Variants in TIMP3 observed in about 807,000 individuals in gnomAD.
The protein encoded by TIMP3 is metalloproteinase inhibitor 3.
Under a neutral mutation model 30.0 loss-of-function variants are expected in TIMP3, and 11 were observed. The ratio of observed to expected loss-of-function variants is 0.37; its 90% CI spans 0.23 to 0.61. TIMP3 has a LOEUF of 0.61. Ranked by LOEUF, TIMP3 falls within the 20% of genes least tolerant of loss-of-function variation. TIMP3 has a pLI of 0.70. For synonymous variants in TIMP3, 112 were observed against 111.3 expected, an observed-to-expected ratio of 1.01 and a Z score of -0.04; for missense variants, 181 against 276.8, an observed-to-expected ratio of 0.65 and a Z score of 2.45.
chr22:32,813,957 T>C (rs1044731591), intron 1 of TIMP3, among the ~76,000 whole-genome samples: 5 of 152,162 alleles, frequency 3.3e-5, no homozygotes, highest in Admixed American at 1.3e-4. Context: ...CATCATATTA[T>C]TACTACATGG....
intron 1 of TIMP3, among the ~76,000 whole-genome samples, chr22:32,812,964 G>A (rs1343199093): frequency 6.6e-6 from 1 of 152,204 alleles, no homozygotes; most frequent in Non-Finnish European, 1.5e-5. Flanking sequence ...CTGAACAAAT[G>A]AGTGCAGTGG....
rs114723366 is a variant in TIMP3 at position 32,826,878 on chromosome 22, G to A, written c.122-22574G>A. On this transcript the variant is annotated intron_variant, in intron 1 of 4. Transcript: ENST00000266085. ...CCACTTGATCCCTGTGACAACCCTA[G>A]GAGCCTGCTGCCACTGATCTTCTTA... Among the ~76,000 whole-genome samples, 1,496 of 152,260 alleles carry A rather than the reference G, an allele frequency of 9.8e-3. 30 individuals carry two copies. The highest frequency in any genetic ancestry group is 0.034 in the African/African-American group (1,416 of 41,542).
At chr22:32,830,719 A>G (rs1207871410) in intron 1 of TIMP3, among the ~76,000 whole-genome samples, 1 of 151,854 alleles carries the variant, frequency 6.6e-6, no homozygotes, top group Non-Finnish European at 1.5e-5. Context: ...GGAATCCCAC[A>G]GTTGTTTCCT....
chr22:32,841,228 C>G (rs1054619463), intron 1 of TIMP3, among the ~76,000 whole-genome samples: 6 of 152,212 alleles, frequency 3.9e-5, no homozygotes, highest in African/African-American at 1.4e-4. Flanking sequence ...GAACCTGCTG[C>G]CCGGGGAGGC....
At chr22:32,806,528 G>T (rs2046742372) in intron 1 of TIMP3, among the ~76,000 whole-genome samples, 1 of 152,224 alleles carries the variant, frequency 6.6e-6, no homozygotes, top group Non-Finnish European at 1.5e-5. Context: ...AGGCAGGGTG[G>T]AGTGGTGGAA....
intron 2 of TIMP3, among the ~76,000 whole-genome samples, chr22:32,856,438 A>G (rs888125771): frequency 3.9e-5 from 6 of 152,124 alleles, no homozygotes; most frequent in African/African-American, 1.4e-4. Context: ...GTGACCGGCC[A>G]CTGGACAGCT....
At chr22:32,835,320 AAGAT>A (rs1191630747) in intron 1 of TIMP3, among the ~76,000 whole-genome samples, 1 of 152,236 alleles carries the variant, frequency 6.6e-6, no homozygotes, top group Non-Finnish European at 1.5e-5. Context: ...TGAGCAAAGC[AAGAT>A]GTAATTCCGG....
chr22:32,835,570 G>C (rs978002303), intron 1 of TIMP3, among the ~76,000 whole-genome samples: 5 of 152,112 alleles, frequency 3.3e-5, no homozygotes, highest in Admixed American at 6.5e-5. Flanking sequence ...GCAGAAGAGG[G>C]TCTCATGCAG....
At chr22:32,818,166 G>A (rs2047138414) in intron 1 of TIMP3, among the ~76,000 whole-genome samples, 1 of 152,210 alleles carries the variant, frequency 6.6e-6, no homozygotes, top group Admixed American at 6.5e-5. Flanking sequence ...TAATGGCACT[G>A]CCAGTTCAGT....
intron 1 of TIMP3, among the ~76,000 whole-genome samples, chr22:32,806,985 C>T (rs2046758988): frequency 6.6e-6 from 1 of 151,802 alleles, no homozygotes; most frequent in South Asian, 2.1e-4. Flanking sequence ...CCACATAATA[C>T]CACATATAGT....
intron 1 of TIMP3, among the ~76,000 whole-genome samples, chr22:32,823,027 C>A (rs1337747201): frequency 2.0e-5 from 3 of 152,124 alleles, no homozygotes; most frequent in Non-Finnish European, 1.5e-5. Flanking sequence ...TTACTCTGCG[C>A]TGTGGGATTT....
chr22:32,812,880 G>T (rs1396581938), intron 1 of TIMP3, among the ~76,000 whole-genome samples: 1 of 152,216 alleles, frequency 6.6e-6, no homozygotes, highest in Non-Finnish European at 1.5e-5. Flanking sequence ...AAGTTTGGAA[G>T]GTCAAACTTC....
At chr22:32,844,689 CTCTTCCTTGTTTCTTCT>C (rs2048011384) in intron 1 of TIMP3, among the ~76,000 whole-genome samples, 1 of 151,728 alleles carries the variant, frequency 6.6e-6, no homozygotes, top group South Asian at 2.1e-4. Flanking sequence ...CTTAATCAAT[CTCTTCCTTGTTTCTTCT>C]TCTTCCTTTT....
intron 2 of TIMP3, among the ~76,000 whole-genome samples, chr22:32,850,671 C>T (rs2048192833): frequency 6.6e-6 from 1 of 152,124 alleles, no homozygotes; most frequent in Non-Finnish European, 1.5e-5. Flanking sequence ...GTGCTGAGGT[C>T]CACAGGAACT....
chr22:32,802,206 C>A, intron 1 of TIMP3, 84 bp downstream of exon 1: 1 of 1,508,896 alleles, frequency 6.6e-7, no homozygotes, highest in South Asian at 1.2e-5. Flanking sequence ...GAGCCCCACT[C>A]CTTTCCTCTG....
At chr22:32,818,055 T>C (rs1018992043) in intron 1 of TIMP3, among the ~76,000 whole-genome samples, 1 of 152,218 alleles carries the variant, frequency 6.6e-6, no homozygotes, top group East Asian at 1.9e-4. Context: ...ATTAGAACAC[T>C]TGCCCTAGAG....
chr22:32,861,790 G>A lies in TIMP3; in HGVS notation c.*2413G>A, dbSNP rs141846470. ...AGCTATAGCTTTGTTTATTTCACCC[G>A]TTCACTTACTGTATAATTTAAAATC... is the stretch of plus-strand genomic sequence containing the variant. On this transcript the variant is annotated 3_prime_UTR_variant, in exon 5 of 5. Coordinates refer to ENST00000266085, the MANE Select transcript of TIMP3 (RefSeq NM_000362.5). 5 of 152,536 alleles carry A rather than the reference G, an allele frequency of 3.3e-5. No homozygotes were observed. Among genetic ancestry groups the A allele is most frequent in the Non-Finnish European group, 5.9e-5 (4 of 68,016 alleles). 9.4% of individuals were successfully genotyped at this position (152,536 alleles called of 1,614,324 possible).
chr22:32,820,249 TGTGTGTGTGTGTGCGTGCGC>T, intron 1 of TIMP3, among the ~76,000 whole-genome samples: 1 of 150,102 alleles, frequency 6.7e-6, no homozygotes. Context: ...CCCCTGTGTG[TGTGTGTGTGTGTGCGTGCGC>T]GTGTGTGTGT....
chr22:32,838,403 G>A lies in TIMP3; in HGVS notation c.122-11049G>A, dbSNP rs181215892. 3.3e-5 allele frequency among the ~76,000 whole-genome samples: 5 copies of A among 152,330 alleles called. No individual in the cohort carries two copies. The East Asian group carries it at 9.7e-4, about 29-fold the overall frequency. On this transcript the variant is annotated intron_variant, in intron 1 of 4. Coordinates refer to ENST00000266085, the MANE Select transcript of TIMP3 (RefSeq NM_000362.5). ...GGAAGAGGGGCAGCTGGAGGCCAGA[G>A]GGCCTGCAGAGGAGTCAGCAGGTCT...
Sources: allele counts gnomAD v4.1 joint callset (sites outside exome capture counted in the v4.1 genomes callset), GRCh38; gene constraint gnomAD v4.1.1; transcripts MANE v1.5; gene names NCBI Gene and HGNC (gene_info 2026-07-23, HGNC 2026-07-21).